The following FSTL4 variants were observed in gnomAD, a reference collection of about 807,000 sequenced individuals.
FSTL4 encodes the protein follistatin-related protein 4.
In FSTL4, 28 loss-of-function variants were observed where a neutral mutation model predicts 78.2. The ratio of observed to expected loss-of-function variants is 0.36; its 90% CI spans 0.27 to 0.49. FSTL4 has a LOEUF of 0.49. Among genes scored for constraint, FSTL4 ranks in the 20% least tolerant of loss-of-function variants. FSTL4 has a pLI of 0.98. For synonymous variants in FSTL4, 422 were observed against 440.5 expected (o/e 0.96, Z 0.53); for missense variants, 922 against 1,084.9 (o/e 0.85, Z 2.11).
chr5:133,221,908 T>TTTTTTTTTTTTTG (rs1751134003), intron 11 of FSTL4, among the ~76,000 whole-genome samples: 1 of 113,320 alleles, frequency 8.8e-6, no homozygotes, highest in Non-Finnish European at 1.8e-5. Context: ...TTTTTTTTTT[T>TTTTTTTTTTTTTG]TTTTTTTTTT....
chr5:133,493,940 G>A (rs1758321279), intron 3 of FSTL4, among the ~76,000 whole-genome samples: 1 of 152,082 alleles, frequency 6.6e-6, no homozygotes, highest in Non-Finnish European at 1.5e-5. Flanking sequence ...ACAGAAACCA[G>A]CCCCCAGCCA....
At chr5:133,712,706 C>T in the FSTL4 span, among the ~76,000 whole-genome samples, 1 of 152,184 alleles carries the variant, frequency 6.6e-6, no homozygotes, top group African/African-American at 2.4e-5. Flanking sequence ...TCAGGTTGCT[C>T]GTGGATTTGT....
At chr5:133,624,614 T>C in the FSTL4 span, among the ~76,000 whole-genome samples, 1 of 151,912 alleles carries the variant, frequency 6.6e-6, no homozygotes, top group Non-Finnish European at 1.5e-5. Flanking sequence ...AAAAAAATAC[T>C]CAAGCACATT....
At chr5:133,712,311 G>A in the FSTL4 span, among the ~76,000 whole-genome samples, 1 of 152,196 alleles carries the variant, frequency 6.6e-6, no homozygotes, top group East Asian at 1.9e-4. Flanking sequence ...GGCAATTGTG[G>A]TGCTTTATAA....
chr5:133,753,391 T>C, the FSTL4 span, among the ~76,000 whole-genome samples: 3 of 152,320 alleles, frequency 2.0e-5, no homozygotes, highest in Non-Finnish European at 2.9e-5. Context: ...CCCTCATCAC[T>C]GATGCTTGTT....
At chr5:133,438,326 G>C (rs761221272) in intron 3 of FSTL4, among the ~76,000 whole-genome samples, 2 of 152,226 alleles carry the variant, frequency 1.3e-5, no homozygotes, top group Non-Finnish European at 2.9e-5. Flanking sequence ...GTCATGAATT[G>C]ATTTAATTTG....
the FSTL4 span, among the ~76,000 whole-genome samples, chr5:133,638,309 G>C: frequency 6.6e-6 from 1 of 152,120 alleles, no homozygotes; most frequent in Non-Finnish European, 1.5e-5. Context: ...CAAAGCAGAA[G>C]CAGAGCTATC....
the FSTL4 span, among the ~76,000 whole-genome samples, chr5:133,717,231 T>C: frequency 6.6e-6 from 1 of 152,202 alleles, no homozygotes; most frequent in Non-Finnish European, 1.5e-5. Context: ...GGTATATCCA[T>C]ATGATGGAAT....
intron 4 of FSTL4, among the ~76,000 whole-genome samples, chr5:133,395,423 C>T (rs896943857): frequency 1.3e-5 from 2 of 152,178 alleles, no homozygotes; most frequent in African/African-American, 2.4e-5. Flanking sequence ...AAGGAAGAAA[C>T]TCTGAACACG....
At chr5:133,434,227 A>G (rs1263796177) in intron 3 of FSTL4, among the ~76,000 whole-genome samples, 1 of 152,168 alleles carries the variant, frequency 6.6e-6, no homozygotes, top group Non-Finnish European at 1.5e-5. Context: ...AGTAGAGTTG[A>G]TAAGACTTGG....
At chr5:133,333,438 G>C (rs1754392966) in intron 4 of FSTL4, among the ~76,000 whole-genome samples, 1 of 152,214 alleles carries the variant, frequency 6.6e-6, no homozygotes, top group Non-Finnish European at 1.5e-5. Flanking sequence ...ACTGTGATGG[G>C]AGAGGACAGG....
the FSTL4 span, among the ~76,000 whole-genome samples, chr5:133,671,898 C>A: frequency 6.6e-6 from 1 of 152,100 alleles, no homozygotes; most frequent in Non-Finnish European, 1.5e-5. Context: ...GGGCTAAGAA[C>A]GTAAAGTACA....
intron 7 of FSTL4, among the ~76,000 whole-genome samples, chr5:133,240,239 C>G (rs61070309): frequency 3.9e-4 from 59 of 152,268 alleles, no homozygotes; most frequent in Middle Eastern, 3.4e-3. Context: ...ACACTCACTG[C>G]GAGGGTCCGC....
chr5:133,360,066 T>C (rs1444824649), intron 4 of FSTL4, among the ~76,000 whole-genome samples: 1 of 152,248 alleles, frequency 6.6e-6, no homozygotes, highest in Non-Finnish European at 1.5e-5. Flanking sequence ...CAAACAGCCC[T>C]AACAGTGGAC....
chr5:133,627,338 G>T, the FSTL4 span, among the ~76,000 whole-genome samples: 64 of 152,170 alleles, frequency 4.2e-4, 1 homozygote, highest in African/African-American at 1.5e-3. Flanking sequence ...CATAGCAGCA[G>T]ACAAGACAAT....
At chr5:133,537,100 T>C (rs1759365214) in intron 3 of FSTL4, among the ~76,000 whole-genome samples, 1 of 152,232 alleles carries the variant, frequency 6.6e-6, no homozygotes, top group Non-Finnish European at 1.5e-5. Flanking sequence ...TGTCTTGTGC[T>C]ATTTCTTTAG....
chr5:133,673,537 C>T, the FSTL4 span, among the ~76,000 whole-genome samples: 1 of 152,368 alleles, frequency 6.6e-6, no homozygotes, highest in African/African-American at 2.4e-5. Flanking sequence ...GCCTAATTAA[C>T]CAGCTCAGAT....
the FSTL4 span, among the ~76,000 whole-genome samples, chr5:133,749,149 G>A: frequency 6.6e-6 from 1 of 152,212 alleles, no homozygotes; most frequent in Non-Finnish European, 1.5e-5. Flanking sequence ...CACTGACTGG[G>A]CTTTGAATCC....
At chr5:133,674,222 A>T in the FSTL4 span, among the ~76,000 whole-genome samples, 1 of 152,186 alleles carries the variant, frequency 6.6e-6, no homozygotes, top group African/African-American at 2.4e-5. Context: ...ATTCCCAATG[A>T]TCTGGGTGCT....
Sources: gnomAD v4.1 joint callset for allele counts (sites outside exome capture counted in the v4.1 genomes callset) on GRCh38, gnomAD v4.1.1 for gene constraint, MANE v1.5 for transcripts, NCBI Gene and HGNC (gene_info 2026-07-23, HGNC 2026-07-21) for gene names.